FYN: variants seen among roughly 807,000 people sequenced by gnomAD.
The protein encoded by FYN is tyrosine-protein kinase Fyn.
A neutral mutation model predicts 70.2 loss-of-function variants in FYN; 10 were observed. The observed-to-expected ratio is 0.14, with a 90% CI of 0.09 to 0.24. The LOEUF (loss-of-function observed/expected upper bound fraction) is 0.24. Ranked by LOEUF, FYN falls within the 10% of genes least tolerant of loss-of-function variation. The pLI is 1.00. For missense variants in FYN, 319 were observed against 673.1 expected, an observed-to-expected ratio of 0.47 and a Z score of 5.82; for synonymous variants, 236 against 248.6, an observed-to-expected ratio of 0.95 and a Z score of 0.48.
At chr6:111,828,182 T>C (rs1207901907) in intron 2 of FYN, among the ~76,000 whole-genome samples, 2 of 152,092 alleles carry the variant, frequency 1.3e-5, no homozygotes, top group African/African-American at 4.8e-5. Flanking sequence ...CATCCTGAGG[T>C]TTCTGGCCCC....
chr6:111,667,598 G>T (rs538013251), intron 13 of FYN, among the ~76,000 whole-genome samples: 1 of 152,148 alleles, frequency 6.6e-6, no homozygotes, highest in South Asian at 2.1e-4. Flanking sequence ...CACTTTCATT[G>T]GCAGAGCACC....
intron 3 of FYN, among the ~76,000 whole-genome samples, chr6:111,738,106 T>A (rs1016453011): frequency 2.6e-5 from 4 of 152,154 alleles, no homozygotes; most frequent in African/African-American, 9.7e-5. Flanking sequence ...GAATTTTCAG[T>A]CTGTTAGGAG....
intron 3 of FYN, among the ~76,000 whole-genome samples, chr6:111,762,296 C>T (rs1317986856): frequency 6.6e-6 from 1 of 152,178 alleles, no homozygotes; most frequent in Admixed American, 6.5e-5. Flanking sequence ...ATGCTCATTA[C>T]TTATACCTCT....
intron 3 of FYN, among the ~76,000 whole-genome samples, chr6:111,744,202 C>T (rs1390667579): frequency 6.6e-6 from 1 of 152,230 alleles, no homozygotes; most frequent in Non-Finnish European, 1.5e-5. Flanking sequence ...TACATTGGCC[C>T]AGCAAAAATA....
intron 3 of FYN, among the ~76,000 whole-genome samples, chr6:111,733,408 T>A (rs1352946104): frequency 6.6e-6 from 1 of 152,214 alleles, no homozygotes; most frequent in Non-Finnish European, 1.5e-5. Context: ...CATGCTGTTT[T>A]TTGAGAAGCG....
chr6:111,770,877 A>G (rs1468686980), intron 3 of FYN, among the ~76,000 whole-genome samples: 1 of 152,080 alleles, frequency 6.6e-6, no homozygotes, highest in African/African-American at 2.4e-5. Context: ...GCTGCCCATG[A>G]CCCAAATACC....
intron 1 of FYN, among the ~76,000 whole-genome samples, chr6:111,856,763 T>C (rs72944229): frequency 0.04 from 6,087 of 152,124 alleles, 164 homozygotes; most frequent in Middle Eastern, 0.099. Flanking sequence ...GGTAAAAATA[T>C]GAGATGCATT....
At chr6:111,767,220 C>T (rs761090576) in intron 3 of FYN, among the ~76,000 whole-genome samples, 59 of 152,080 alleles carry the variant, frequency 3.9e-4, no homozygotes, top group Non-Finnish European at 7.8e-4. Context: ...TCTTCTAAAA[C>T]TTCAGGTATA....
At chr6:111,733,900 C>A (rs1467002981) in intron 3 of FYN, among the ~76,000 whole-genome samples, 4 of 152,092 alleles carry the variant, frequency 2.6e-5, no homozygotes, top group African/African-American at 9.7e-5. Flanking sequence ...CCAGCCTGGG[C>A]AACATGGAGA....
At chr6:111,850,455 G>T (rs1773654033) in intron 1 of FYN, among the ~76,000 whole-genome samples, 1 of 152,194 alleles carries the variant, frequency 6.6e-6, no homozygotes, top group African/African-American at 2.4e-5. Flanking sequence ...CACAACTAAA[G>T]TGAGAACCTC....
At chr6:111,678,143 T>TGTGTGTGTGC (rs1798625830) in intron 12 of FYN, among the ~76,000 whole-genome samples, 1 of 151,170 alleles carries the variant, frequency 6.6e-6, no homozygotes, top group Non-Finnish European at 1.5e-5. Context: ...TGTGTGTGTG[T>TGTGTGTGTGC]GTGTGTGGTG....
chr6:111,855,350 T>C (rs1160463781), intron 1 of FYN, among the ~76,000 whole-genome samples: 2 of 152,130 alleles, frequency 1.3e-5, no homozygotes, highest in Non-Finnish European at 2.9e-5. Flanking sequence ...TAATACAAAT[T>C]TTGTGATGCT....
rs147350979 is a variant in FYN at position 111,810,843 on chromosome 6, G to A, written c.-81-30208C>T. ...TCCTTCTGAACTCTTCCTTACACTCGCGCTTTGCTAAATCCCATATGTCAG... is the reference window on the plus strand; with the variant it reads ...TCCTTCTGAACTCTTCCTTACACTCACGCTTTGCTAAATCCCATATGTCAG... On this transcript the variant is annotated intron_variant, in intron 2 of 13. Coordinates refer to ENST00000354650, the MANE Select transcript of FYN (RefSeq NM_002037.5). 1.4e-4 allele frequency among the ~76,000 whole-genome samples: 22 copies of A among 152,292 alleles called. No individual in the cohort carries two copies. The East Asian group carries it at 2.1e-3, about 15-fold the overall frequency.
intron 8 of FYN, 137 bp downstream of exon 8, chr6:111,702,748 T>C (rs1799899385): frequency 2.6e-6 from 2 of 766,246 alleles, no homozygotes; most frequent in South Asian, 4.3e-5. Flanking sequence ...AGCCCTACCA[T>C]TAAGGGCTGG....
chr6:111,671,835 G>A (rs1186822890), intron 13 of FYN, among the ~76,000 whole-genome samples: 1 of 152,152 alleles, frequency 6.6e-6, no homozygotes, highest in African/African-American at 2.4e-5. Context: ...ATTATCCTTC[G>A]TTAGGGTAAT....
At chr6:111,756,773 A>AT (rs1423177645) in intron 3 of FYN, among the ~76,000 whole-genome samples, 1 of 152,194 alleles carries the variant, frequency 6.6e-6, no homozygotes, top group African/African-American at 2.4e-5. Context: ...CACATTTATA[A>AT]TTTTTTAAAA....
intron 8 of FYN, among the ~76,000 whole-genome samples, chr6:111,701,600 C>T (rs1020477935): frequency 5.9e-5 from 9 of 151,756 alleles, no homozygotes; most frequent in Non-Finnish European, 1.2e-4. Flanking sequence ...TTGTTCATAT[C>T]CCCTCTTTCC....
At chr6:111,704,623 G>A (rs1799989234) in intron 6 of FYN, among the ~76,000 whole-genome samples, 1 of 151,918 alleles carries the variant, frequency 6.6e-6, no homozygotes, top group South Asian at 2.1e-4. Context: ...GTGTGGTGGT[G>A]GGCACCTGTA....
At chr6:111,756,277 T>G (rs1370665127) in intron 3 of FYN, among the ~76,000 whole-genome samples, 1 of 152,080 alleles carries the variant, frequency 6.6e-6, no homozygotes, top group African/African-American at 2.4e-5. Context: ...CAAATTATTA[T>G]TCTAACAAGA....
Sources: allele counts gnomAD v4.1 joint callset (sites outside exome capture counted in the v4.1 genomes callset), GRCh38; gene constraint gnomAD v4.1.1; transcripts MANE v1.5; gene names NCBI Gene and HGNC (gene_info 2026-07-23, HGNC 2026-07-21).